RCOR3: variants seen among roughly 807,000 people sequenced by gnomAD.
RCOR3 encodes the protein REST corepressor 3.
Under a neutral mutation model 64.1 loss-of-function variants are expected in RCOR3, and 13 were observed. The observed-to-expected ratio is 0.20, with a 90% CI of 0.13 to 0.32. The LOEUF is 0.32. RCOR3 is among the 10% of genes least tolerant of loss of function. RCOR3 has a pLI of 1.00. For missense variants in RCOR3, 489 were observed against 701.2 expected (o/e 0.70, Z 3.42); for synonymous variants, 215 against 239.0 (o/e 0.90, Z 0.93).
chr1:211,308,661 G>GTTTTTTTGTTTTT (rs1701115898), intron 10 of RCOR3, among the ~76,000 whole-genome samples: 3 of 27,486 alleles, frequency 1.1e-4, no homozygotes, highest in African/African-American at 3.3e-4. Context: ...TTTTGGATGT[G>GTTTTTTTGTTTTT]TTTTTTTTTT....
rs1696043070 is a variant in RCOR3 at position 211,270,750 on chromosome 1, AATATTT to A, written c.224-480_224-475del. Among the ~76,000 whole-genome samples, 6 of 152,338 alleles carry A rather than the reference AATATTT, an allele frequency of 3.9e-5. No homozygotes were observed. In the East Asian group the frequency reaches 9.6e-4, roughly 24 times the overall value. ...AAATTTCCTTAGTTTTTATAAGCAA[AATATTT>A]ACTATATGTAATGTAAATCTGTTTT... On this transcript the variant is annotated intron_variant, in intron 2 of 11. Coordinates refer to ENST00000419091, the MANE Select transcript of RCOR3 (RefSeq NM_001136223.3).
chr1:211,309,788 C>CGT, intron 10 of RCOR3, among the ~76,000 whole-genome samples: 1 of 152,270 alleles, frequency 6.6e-6, no homozygotes, highest in East Asian at 1.9e-4. Context: ...GCTCTGATGC[C>CGT]GTAAGTTGTT....
intron 1 of RCOR3, 179 bp from the exon 2 acceptor site, chr1:211,259,929 C>A: frequency 9.9e-7 from 1 of 1,007,750 alleles, no homozygotes; most frequent in African/African-American, 1.7e-5. Context: ...CCTTTGCCCC[C>A]CCCCGCTCCC....
At chr1:211,265,440 C>T (rs753665000) in intron 2 of RCOR3, among the ~76,000 whole-genome samples, 8 of 152,064 alleles carry the variant, frequency 5.3e-5, no homozygotes, top group East Asian at 3.9e-4. Flanking sequence ...TTATTGGGCC[C>T]GGCGCGGTGG....
chr1:211,297,419 G>T (rs1016644512), intron 9 of RCOR3, among the ~76,000 whole-genome samples: 22 of 152,132 alleles, frequency 1.4e-4, no homozygotes, highest in Admixed American at 1.0e-3. Context: ...TGAAACTCTG[G>T]CTATAGCTCA....
chr1:211,260,563 A>T (rs1306668975), intron 2 of RCOR3, among the ~76,000 whole-genome samples: 1 of 151,884 alleles, frequency 6.6e-6, no homozygotes, highest in Non-Finnish European at 1.5e-5. Context: ...CCCGGCGCCG[A>T]GGGCCGCGCT....
At chr1:211,267,907 T>C in intron 2 of RCOR3, 1 of 363,060 alleles carries the variant, frequency 2.8e-6, no homozygotes, top group Non-Finnish European at 5.3e-6. Context: ...GCTGTTACCT[T>C]TTATGGGGAA....
intron 7 of RCOR3, among the ~76,000 whole-genome samples, chr1:211,287,344 G>A (rs1244276445): frequency 2.0e-5 from 3 of 152,120 alleles, no homozygotes; most frequent in Non-Finnish European, 4.4e-5. Flanking sequence ...ATTGAAGCCT[G>A]GCTTTAGGCA....
Position 211,279,189 on chromosome 1 carries a change from A to T in RCOR3, c.642-49A>T, listed in dbSNP as rs748770455. The T allele has an allele frequency of 2.6e-4, 21 of 79,412 alleles. No individual in the cohort carries two copies. The African/African-American group carries it at 6.4e-3, about 24-fold the overall frequency. 4.9% of individuals were successfully genotyped at this position (79,412 alleles called of 1,614,324 possible). ...GCAATAAGAGTGAAACGCTGTCTTAAAAAAAAAAAAAAAGGGAATTAAGTG... is the reference window on the plus strand; with the variant it reads ...GCAATAAGAGTGAAACGCTGTCTTATAAAAAAAAAAAAAGGGAATTAAGTG... On this transcript the variant is annotated intron_variant, in intron 6 of 11. Coordinates refer to ENST00000419091, the MANE Select transcript of RCOR3 (RefSeq NM_001136223.3).
chr1:211,266,653 CAG>C (rs772921748), intron 2 of RCOR3, among the ~76,000 whole-genome samples: 4 of 152,080 alleles, frequency 2.6e-5, no homozygotes, highest in African/African-American at 4.8e-5. Flanking sequence ...GTTTGAGTCT[CAG>C]TACTGTTTCT....
At chr1:211,285,352 A>G (rs1487569706) in intron 7 of RCOR3, among the ~76,000 whole-genome samples, 1 of 152,210 alleles carries the variant, frequency 6.6e-6, no homozygotes, top group African/African-American at 2.4e-5. Flanking sequence ...AGGTTGGAGC[A>G]ATTCCATTTG....
At chr1:211,284,761 A>T (rs1005086088) in intron 7 of RCOR3, among the ~76,000 whole-genome samples, 2 of 152,118 alleles carry the variant, frequency 1.3e-5, no homozygotes, top group Admixed American at 1.3e-4. Flanking sequence ...GGCTCAAGTG[A>T]TCCTCCCACC....
chr1:211,260,757 G>A (rs1026929029), intron 2 of RCOR3, among the ~76,000 whole-genome samples: 3 of 152,184 alleles, frequency 2.0e-5, no homozygotes, highest in Non-Finnish European at 4.4e-5. Flanking sequence ...GGGGGAAGGG[G>A]GTGGGGAGAC....
intron 7 of RCOR3, among the ~76,000 whole-genome samples, chr1:211,284,554 G>A (rs1311914345): frequency 1.3e-5 from 2 of 151,532 alleles, no homozygotes; most frequent in African/African-American, 4.8e-5. Flanking sequence ...TGGGGGTCTT[G>A]TTTTGTCACC....
At chr1:211,283,978 C>A (rs1344028044) in intron 7 of RCOR3, among the ~76,000 whole-genome samples, 1 of 151,636 alleles carries the variant, frequency 6.6e-6, no homozygotes, top group African/African-American at 2.4e-5. Context: ...TTACTCTCTA[C>A]AGGGAAGTAA....
chr1:211,272,691 G>A (rs1255988791), intron 3 of RCOR3, among the ~76,000 whole-genome samples: 3 of 124,638 alleles, frequency 2.4e-5, no homozygotes, highest in Non-Finnish European at 3.2e-5. Flanking sequence ...GCGGGATCTC[G>A]GCTCACTGCA....
chr1:211,304,261 A>G (rs1397482144), intron 10 of RCOR3, 121 bp downstream of exon 10: 9 of 623,944 alleles, frequency 1.4e-5, no homozygotes, highest in Non-Finnish European at 2.0e-5. Context: ...TGTTTATCAC[A>G]AAGTCCTGGT....
Position 211,313,894 on chromosome 1 carries a change from A to G in RCOR3, c.*126A>G, listed in dbSNP as rs1701729203. ...TGAGGCTGCGAACTAGTTCTGTGGCAGTGGACTAGCATAAGTGGATGTCTA... is the reference window on the plus strand; with the variant it reads ...TGAGGCTGCGAACTAGTTCTGTGGCGGTGGACTAGCATAAGTGGATGTCTA... On this transcript the variant is annotated 3_prime_UTR_variant, in exon 12 of 12. Transcript: ENST00000419091. This position sits in a 1 kb window ranked among gnomAD's most constrained non-coding sequence, Gnocchi z 4.7. The G allele has an allele frequency of 1.1e-6, 1 of 889,470 alleles. No individual in the cohort carries two copies. The highest frequency in any genetic ancestry group is 1.7e-6 in the Non-Finnish European group (1 of 594,956). The allele number at this position is 889,470 out of a possible 1,614,324, so 55.1% of individuals were successfully genotyped here.
At chr1:211,264,635 G>A (rs1199132393) in intron 2 of RCOR3, among the ~76,000 whole-genome samples, 16 of 152,074 alleles carry the variant, frequency 1.1e-4, no homozygotes. Context: ...AGTAAGCTAT[G>A]ATGGCGCCAC....
Sources: allele counts gnomAD v4.1 joint callset (sites outside exome capture counted in the v4.1 genomes callset), GRCh38; gene constraint gnomAD v4.1.1; non-coding constraint Gnocchi (gnomAD v3.1); transcripts MANE v1.5; gene names NCBI Gene and HGNC (gene_info 2026-07-23, HGNC 2026-07-21).